ACBD5: variants seen among roughly 807,000 people sequenced by gnomAD.
ACBD5 encodes acyl-CoA-binding domain-containing protein 5.
ACBD5 carries 40 observed loss-of-function variants against 71.8 expected under a neutral mutation model. That is an observed-to-expected ratio of 0.56 (90% confidence interval 0.43 to 0.72). The LOEUF (loss-of-function observed/expected upper bound fraction) is 0.72, where lower values mean the gene tolerates loss of function less well. Ranked by LOEUF, ACBD5 falls within the 30% of genes least tolerant of loss-of-function variation. The pLI is 0.00. For missense variants in ACBD5, 559 were observed against 644.5 expected, an observed-to-expected ratio of 0.87 and a Z score of 1.44; for synonymous variants, 229 against 218.6, an observed-to-expected ratio of 1.05 and a Z score of -0.42.
At chr10:27,212,561 T>C (rs941226600) in intron 8 of ACBD5, among the ~76,000 whole-genome samples, 1 of 151,610 alleles carries the variant, frequency 6.6e-6, no homozygotes, top group Non-Finnish European at 1.5e-5. Flanking sequence ...CTTATCATTA[T>C]TCTTCCAATT....
chr10:27,211,183 T>C (rs1393111434), intron 8 of ACBD5, 102 bp from the exon 9 acceptor site: 1 of 1,184,522 alleles, frequency 8.4e-7, no homozygotes, highest in Non-Finnish European at 1.2e-6. Context: ...TAAAATGTTC[T>C]TTCATGTTAT....
At chr10:27,232,179 A>C (rs1177827316) in intron 3 of ACBD5, 1 of 221,668 alleles carries the variant, frequency 4.5e-6, no homozygotes, top group African/African-American at 2.3e-5. Flanking sequence ...TTTGGCTAAG[A>C]TCAAGTGTAG....
rs1409457018 is a variant in ACBD5, at chr10:27,196,991, A to T, written c.*439T>A. 1 of 453,904 alleles carries T rather than the reference A, an allele frequency of 2.2e-6. No individual in the cohort carries two copies. The highest frequency in any genetic ancestry group is 4.4e-6 in the Non-Finnish European group (1 of 226,630). 28.1% of individuals were successfully genotyped at this position (453,904 alleles called of 1,614,324 possible). A position where few individuals can be genotyped will look rare whatever the true frequency, so the allele number is the denominator to read the frequency against. On this transcript the variant is annotated 3_prime_UTR_variant, in exon 13 of 13. Transcript: ENST00000396271. ...TAAAGTCGATTACATCTCATTTGAAATTCACTCCTGGTTTGCATTCTTTCT... is the reference window on the plus strand; with the variant it reads ...TAAAGTCGATTACATCTCATTTGAATTTCACTCCTGGTTTGCATTCTTTCT...
At chr10:27,186,643 C>T (rs2058769888) in intron 13 of ACBD5, 5 of 1,048,724 alleles carry the variant, frequency 4.8e-6, no homozygotes, top group Non-Finnish European at 7.5e-6. Context: ...ATTATTTAAC[C>T]TAGTTCAATG....
chr10:27,228,585 A>G (rs112798453), intron 4 of ACBD5, among the ~76,000 whole-genome samples: 6,099 of 151,714 alleles, frequency 0.04, 152 homozygotes, highest in African/African-American at 0.071. Flanking sequence ...TCAAAAAAAA[A>G]AGAATTTTAT....
chr10:27,237,898 A>T (rs2138476344), intron 2 of ACBD5, among the ~76,000 whole-genome samples: 1 of 151,918 alleles, frequency 6.6e-6, no homozygotes, highest in East Asian at 1.9e-4. Flanking sequence ...TACAGGTGTG[A>T]GCCACCACGC....
intron 5 of ACBD5, 91 bp from the exon 6 acceptor site, chr10:27,219,948 T>A: frequency 1.7e-6 from 2 of 1,149,350 alleles, no homozygotes; most frequent in Non-Finnish European, 2.4e-6. Context: ...TACAAATAAC[T>A]AATAAAATAA....
At chr10:27,198,573 T>C (rs1004084910) in intron 12 of ACBD5, among the ~76,000 whole-genome samples, 15 of 152,282 alleles carry the variant, frequency 9.9e-5, no homozygotes, top group African/African-American at 3.4e-4. Flanking sequence ...AGGAGTGACA[T>C]TTTAAATAGT....
At chr10:27,221,767 A>G (rs2062365659) in intron 5 of ACBD5, among the ~76,000 whole-genome samples, 1 of 152,050 alleles carries the variant, frequency 6.6e-6, no homozygotes, top group Non-Finnish European at 1.5e-5. Flanking sequence ...TACAAAAATT[A>G]GCCATACAAG....
intron 4 of ACBD5, among the ~76,000 whole-genome samples, chr10:27,225,035 A>C (rs1321141037): frequency 6.6e-6 from 1 of 151,978 alleles, no homozygotes; most frequent in African/African-American, 2.4e-5. Flanking sequence ...TGTTTCCAAA[A>C]AAAAAGATAC....
At chr10:27,212,579 C>CTTTTT (rs398045942) in intron 8 of ACBD5, among the ~76,000 whole-genome samples, 1 of 132,702 alleles carries the variant, frequency 7.5e-6, no homozygotes, top group Non-Finnish European at 1.6e-5. Flanking sequence ...ATTTATGCTG[C>CTTTTT]TTTTTTTTTT....
rs764732210 is a variant in ACBD5 at position 27,186,578 on chromosome 10, G to A, written c.1494-3863C>T. ...TTAGTCTAGCCTTGTGTTATAGAAT[G>A]AACTTGCATAATTATATACTCCTTA... On this transcript the variant is annotated intron_variant, in intron 13 of 13. Coordinates refer to the ACBD5 transcript ENST00000676511. 28 of 1,521,988 alleles carry A rather than the reference G, an allele frequency of 1.8e-5. No homozygotes were observed. In the East Asian group the frequency reaches 6.3e-4, roughly 34 times the overall value. 94.3% of individuals were successfully genotyped at this position (1,521,988 alleles called of 1,614,324 possible). A position where few individuals can be genotyped will look rare whatever the true frequency, so the allele number is the denominator to read the frequency against.
chr10:27,185,695 C>T (rs549477659), intron 13 of ACBD5, among the ~76,000 whole-genome samples: 7 of 144,678 alleles, frequency 4.8e-5, no homozygotes, highest in East Asian at 4.1e-4. Flanking sequence ...GGCTGAGGCA[C>T]GAGAACCACT....
In ACBD5 at chr10:27,240,448, AG is replaced by A. The variant is rs1402948915; in HGVS notation, c.51del (p.Cys18AlafsTer2). ...HAGSWESWCC[C>X]CLIPADRPWD... is the part of the protein sequence containing the mutation. Reference sequence around the variant, plus strand: ...CAAGGTCTGTCGGCGGGAATCAGGCAGCAGCAGCACCAGCTTTCCCAAGAGC... The same window carrying A: ...CAAGGTCTGTCGGCGGGAATCAGGCACAGCAGCACCAGCTTTCCCAAGAGC... On this transcript the variant is annotated frameshift_variant, in exon 2 of 13. Coordinates refer to ENST00000396271, the MANE Select transcript of ACBD5 (RefSeq NM_145698.5). LOFTEE classifies it high-confidence loss of function. This position sits in a 1 kb window ranked among gnomAD's most constrained non-coding sequence, Gnocchi z 4.1. 1 of 1,613,888 alleles carries A rather than the reference AG, an allele frequency of 6.2e-7. No homozygotes were observed. Among genetic ancestry groups the A allele is most frequent in the Admixed American group, 1.7e-5 (1 of 59,996 alleles).
intron 13 of ACBD5, among the ~76,000 whole-genome samples, chr10:27,184,599 T>A (rs1287311842): frequency 7.0e-6 from 1 of 143,238 alleles, no homozygotes; most frequent in Non-Finnish European, 1.5e-5. Flanking sequence ...CTCGTTCTGT[T>A]GCCCAGGCTG....
Position 27,198,939 on chromosome 10 carries a change from C to T in ACBD5, c.1566-1497G>A, listed in dbSNP as rs548412758. Among the ~76,000 whole-genome samples, 3 of 152,034 alleles carry T rather than the reference C, an allele frequency of 2.0e-5. No homozygotes were observed. The South Asian group carries it at 6.2e-4, about 32-fold the overall frequency. On this transcript the variant is annotated intron_variant, in intron 12 of 12. Transcript: ENST00000396271. Reference sequence around the variant, plus strand: ...TCCTGCTAACACGGTGAAACCCCGTCTCTACTAAAAATTCAAAAAATTAGC... The same window carrying T: ...TCCTGCTAACACGGTGAAACCCCGTTTCTACTAAAAATTCAAAAAATTAGC...
intron 13 of ACBD5, chr10:27,186,891 T>TTAAAA: frequency 3.7e-6 from 1 of 273,528 alleles, no homozygotes; most frequent in South Asian, 4.2e-5. Context: ...CAGTTTAGCA[T>TTAAAA]TAAAATAATA....
intron 8 of ACBD5, among the ~76,000 whole-genome samples, chr10:27,211,804 C>T (rs2061107064): frequency 6.6e-6 from 1 of 152,126 alleles, no homozygotes; most frequent in Admixed American, 6.6e-5. Context: ...CCACCTAAGA[C>T]ATCGATGGAT....
At chr10:27,239,881 G>C (rs996435329) in intron 2 of ACBD5, among the ~76,000 whole-genome samples, 1 of 152,136 alleles carries the variant, frequency 6.6e-6, no homozygotes, top group South Asian at 2.1e-4. Context: ...CGAGTAGCTG[G>C]GACTACAGGC....
Sources: gnomAD v4.1 joint callset for allele counts (sites outside exome capture counted in the v4.1 genomes callset) on GRCh38, gnomAD v4.1.1 for gene constraint, Gnocchi (gnomAD v3.1) non-coding constraint, MANE v1.5 for transcripts, NCBI Gene and HGNC (gene_info 2026-07-23, HGNC 2026-07-21) for gene names.